The following COL22A1 variants were observed in gnomAD, a reference collection of about 807,000 sequenced individuals.
COL22A1 encodes collagen alpha-1(XXII) chain.
COL22A1 carries 221 observed loss-of-function variants against 248.9 expected under a neutral mutation model. The ratio of observed to expected loss-of-function variants is 0.89; its 90% CI spans 0.80 to 0.99. The LOEUF is 0.99. Ranked by LOEUF, COL22A1 falls within the 50% of genes least tolerant of loss-of-function variation. COL22A1 has a pLI of 0.00. For missense variants in COL22A1, 2,240 were observed against 2,179.0 expected (o/e 1.03, Z -0.56); for synonymous variants, 891 against 793.4 (o/e 1.12, Z -2.07).
At chr8:138,844,212 C>A in intron 3 of COL22A1, 54 bp from the exon 4 acceptor site, 2 of 1,545,742 alleles carry the variant, frequency 1.3e-6, no homozygotes, top group Admixed American at 1.7e-5. Context: ...CCCATCGTCA[C>A]CCTGTGAAAT....
At chr8:138,829,619 T>C (rs980525130) in intron 5 of COL22A1, among the ~76,000 whole-genome samples, 3 of 152,080 alleles carry the variant, frequency 2.0e-5, no homozygotes, top group Non-Finnish European at 4.4e-5. Context: ...TTTGTATTTT[T>C]AGTAGAGACA....
intron 22 of COL22A1, among the ~76,000 whole-genome samples, chr8:138,751,251 C>G (rs150422595): frequency 6.6e-6 from 1 of 152,320 alleles, no homozygotes; most frequent in East Asian, 1.9e-4. Context: ...ACAGACTGAT[C>G]TCCATGTCCC....
At chr8:138,846,777 TA>T (rs1350562053) in intron 3 of COL22A1, among the ~76,000 whole-genome samples, 4 of 152,326 alleles carry the variant, frequency 2.6e-5, no homozygotes, top group Admixed American at 6.5e-5. Context: ...TTCACTCATC[TA>T]TTCAAACTCA....
At chr8:138,786,178 G>C (rs1815499385) in intron 12 of COL22A1, among the ~76,000 whole-genome samples, 1 of 152,188 alleles carries the variant, frequency 6.6e-6, no homozygotes, top group South Asian at 2.1e-4. Context: ...AGGCGTGTTG[G>C]TTTTAGATGG....
chr8:138,838,218 TC>T, intron 4 of COL22A1, among the ~76,000 whole-genome samples: 1 of 152,220 alleles, frequency 6.6e-6, no homozygotes, highest in South Asian at 2.1e-4. Flanking sequence ...GGCAGCCACT[TC>T]TCAGGGCCAC....
intron 10 of COL22A1, 61 bp downstream of exon 10, chr8:138,807,707 A>C (rs1237204590): frequency 6.6e-7 from 1 of 1,514,484 alleles, no homozygotes. Flanking sequence ...TGTCTTATAT[A>C]GACAGCAAAG....
At chr8:138,749,246 T>A (rs1832390214) in intron 22 of COL22A1, among the ~76,000 whole-genome samples, 1 of 152,174 alleles carries the variant, frequency 6.6e-6, no homozygotes, top group Non-Finnish European at 1.5e-5. Flanking sequence ...TATGTCTTTA[T>A]CAGCAGCATG....
At chr8:138,830,831 T>C (rs1379464236) in intron 5 of COL22A1, among the ~76,000 whole-genome samples, 1 of 152,198 alleles carries the variant, frequency 6.6e-6, no homozygotes, top group Non-Finnish European at 1.5e-5. Context: ...ATTGGACATA[T>C]TAGGCAAAGA....
At position 138,811,306 on chromosome 8, in the gene COL22A1, CACAT is replaced by C. The variant is rs1818201673; in HGVS notation, c.1449+489_1449+492del. ...ACACACACACACACATATATATATACACATACATACACACACATATATACACACA... is the reference window on the plus strand; with the variant it reads ...ACACACACACACACATATATATATACACATACACACACATATATACACACA... On this transcript the variant is annotated intron_variant, in intron 9 of 64. Coordinates refer to ENST00000303045, the MANE Select transcript of COL22A1 (RefSeq NM_152888.3). Among the ~76,000 whole-genome samples the C allele has an allele frequency of 2.7e-5, 4 of 150,388 alleles. No individual in the cohort carries two copies. In the South Asian group the frequency reaches 8.5e-4, roughly 32 times the overall value.
intron 11 of COL22A1, 71 bp from the exon 12 acceptor site, chr8:138,796,928 T>C: frequency 2.0e-6 from 2 of 975,978 alleles, no homozygotes; most frequent in Non-Finnish European, 3.3e-6. Flanking sequence ...AATGGCAACA[T>C]CATCCCGAGA....
At chr8:138,685,359 G>T in intron 37 of COL22A1, 47 bp from the exon 38 acceptor site, 1 of 1,524,440 alleles carries the variant, frequency 6.6e-7, no homozygotes, top group Non-Finnish European at 9.1e-7. Flanking sequence ...CACTCAGCAC[G>T]AAGCTTTTCT....
At chr8:138,862,034 A>AAG (rs766915539) in intron 3 of COL22A1, among the ~76,000 whole-genome samples, 1 of 149,492 alleles carries the variant, frequency 6.7e-6, no homozygotes, top group African/African-American at 2.5e-5. Flanking sequence ...ACTAAAAAAA[A>AAG]AAAAAAAAAA....
At chr8:138,783,809 A>C (rs1029932206) in intron 12 of COL22A1, among the ~76,000 whole-genome samples, 2 of 152,222 alleles carry the variant, frequency 1.3e-5, no homozygotes, top group Non-Finnish European at 2.9e-5. Context: ...TGCAGAGTTA[A>C]ACCAAGTGAA....
At chr8:138,787,144 G>T (rs1815603784) in intron 12 of COL22A1, among the ~76,000 whole-genome samples, 1 of 152,170 alleles carries the variant, frequency 6.6e-6, no homozygotes, top group Admixed American at 6.5e-5. Flanking sequence ...CAAGTGCATG[G>T]GATGGGTCAG....
At chr8:138,758,205 C>G (rs113859539) in intron 18 of COL22A1, among the ~76,000 whole-genome samples, 17 of 152,262 alleles carry the variant, frequency 1.1e-4, no homozygotes, top group Admixed American at 3.9e-4. Context: ...CATGAGTGAG[C>G]CTGGAAGTAG....
At position 138,636,978 on chromosome 8, in the gene COL22A1, A is replaced by T. The variant is rs1821237036; in HGVS notation, c.3502-183T>A. ...AACAGGGCCTGGTTGAGGATGTGTG[A>T]TAAAATGGCTTAACTGGGATTTGGG... is the stretch of plus-strand genomic sequence containing the variant. On this transcript the variant is annotated intron_variant, in intron 47 of 64. Transcript: ENST00000303045. 2.0e-5 allele frequency among the ~76,000 whole-genome samples: 3 copies of T among 152,274 alleles called. No individual in the cohort carries two copies. The South Asian group carries it at 6.2e-4, about 32-fold the overall frequency.
At chr8:138,854,789 T>TGTGATGGTG (rs1355121919) in intron 3 of COL22A1, among the ~76,000 whole-genome samples, 1 of 151,138 alleles carries the variant, frequency 6.6e-6, no homozygotes, top group Non-Finnish European at 1.5e-5. Context: ...TGGTGGTGAT[T>TGTGATGGTG]GTGATGGTGG....
intron 56 of COL22A1, among the ~76,000 whole-genome samples, chr8:138,610,291 A>G (rs970703773): frequency 1.3e-5 from 2 of 152,236 alleles, no homozygotes; most frequent in African/African-American, 4.8e-5. Flanking sequence ...GGTGGTTGCC[A>G]TATGGCCTAT....
At chr8:138,897,675 G>A (rs1465704146) in intron 1 of COL22A1, among the ~76,000 whole-genome samples, 2 of 152,020 alleles carry the variant, frequency 1.3e-5, no homozygotes, top group African/African-American at 4.8e-5. Context: ...TAGAGCATAT[G>A]TTTAATAAAA....
Sources: allele counts gnomAD v4.1 joint callset (sites outside exome capture counted in the v4.1 genomes callset), GRCh38; gene constraint gnomAD v4.1.1; transcripts MANE v1.5; gene names NCBI Gene and HGNC (gene_info 2026-07-23, HGNC 2026-07-21).